The following BAALC variants were observed in gnomAD, a reference collection of about 807,000 sequenced individuals.
The protein encoded by BAALC is brain and acute leukemia cytoplasmic protein.
In BAALC, 9 loss-of-function variants were observed where a neutral mutation model predicts 15.5. The ratio of observed to expected loss-of-function variants is 0.58; its 90% confidence interval spans 0.35 to 1.02. The LOEUF is 1.02. BAALC is among the 50% of genes least tolerant of loss of function. BAALC has a pLI of 0.02. For missense variants in BAALC, 201 were observed against 192.4 expected (o/e 1.04, Z -0.27); for synonymous variants, 80 against 74.6 (o/e 1.07, Z -0.37).
chr8:103,185,233 C>A (rs1295000750), intron 1 of BAALC, among the ~76,000 whole-genome samples: 3 of 152,044 alleles, frequency 2.0e-5, no homozygotes, highest in Non-Finnish European at 4.4e-5. Context: ...TCTGCTCATT[C>A]CTGTCTTATA....
intron 2 of BAALC, among the ~76,000 whole-genome samples, chr8:103,216,638 G>A (rs1216960527): frequency 6.6e-6 from 1 of 152,078 alleles, no homozygotes; most frequent in Non-Finnish European, 1.5e-5. Flanking sequence ...ACCATGCCCA[G>A]CCAATTTGTT....
intron 1 of BAALC, among the ~76,000 whole-genome samples, chr8:103,173,517 A>G (rs1000460): frequency 1.3e-5 from 2 of 151,976 alleles, no homozygotes; most frequent in South Asian, 4.1e-4. Flanking sequence ...CTAATAATAG[A>G]TTTTTTTCAC....
intron 1 of BAALC, among the ~76,000 whole-genome samples, chr8:103,187,567 C>T (rs1811869165): frequency 1.3e-5 from 2 of 152,134 alleles, no homozygotes; most frequent in South Asian, 2.1e-4. Context: ...CTTAGAGTGG[C>T]CCCCAGGTAG....
intron 1 of BAALC, among the ~76,000 whole-genome samples, chr8:103,191,604 A>C (rs1381994542): frequency 6.6e-6 from 1 of 152,158 alleles, no homozygotes; most frequent in African/African-American, 2.4e-5. Flanking sequence ...ACCAAGCAGA[A>C]CTTCTGGTTC....
intron 1 of BAALC, among the ~76,000 whole-genome samples, chr8:103,164,193 T>G (rs1811292010): frequency 6.6e-6 from 1 of 152,068 alleles, no homozygotes; most frequent in African/African-American, 2.4e-5. Flanking sequence ...GGGCCCCCAG[T>G]AGTGCAAAGG....
chr8:103,220,229 C>T (rs1812648010), intron 2 of BAALC, among the ~76,000 whole-genome samples: 1 of 152,180 alleles, frequency 6.6e-6, no homozygotes, highest in Non-Finnish European at 1.5e-5. Flanking sequence ...ACTCATCACC[C>T]ATATTGACAT....
At chr8:103,167,804 T>C (rs941114136) in intron 1 of BAALC, among the ~76,000 whole-genome samples, 1 of 152,128 alleles carries the variant, frequency 6.6e-6, no homozygotes, top group African/African-American at 2.4e-5. Flanking sequence ...TTGGACTTCA[T>C]CCTAACAGCA....
At chr8:103,175,807 C>T (rs1356734300) in intron 1 of BAALC, among the ~76,000 whole-genome samples, 3 of 152,220 alleles carry the variant, frequency 2.0e-5, no homozygotes, top group Non-Finnish European at 4.4e-5. Context: ...AGCAGAGCCA[C>T]ACTGGGGGTA....
rs554910994 is a variant in BAALC at position 103,181,301 on chromosome 8, C to T, written c.161-31618C>T. Among the ~76,000 whole-genome samples, 18 of 152,240 alleles carry T rather than the reference C, an allele frequency of 1.2e-4. No individual in the cohort carries two copies. The East Asian group carries it at 2.3e-3, about 20-fold the overall frequency. On this transcript the variant is annotated intron_variant, in intron 1 of 2. Coordinates refer to ENST00000309982, the MANE Select transcript of BAALC (RefSeq NM_024812.3). The stretch of plus-strand genomic sequence containing the variant: ...TTTGTTGTTGTTTTTGAGACAGAGT[C>T]TCGCTCTGTCGCCCAGGCTGGAGTG...
intron 2 of BAALC, chr8:103,213,327 CTTG>C (rs1279310834): frequency 4.7e-6 from 2 of 426,250 alleles, no homozygotes; most frequent in Non-Finnish European, 8.4e-6. Flanking sequence ...ATTCAAGGAT[CTTG>C]TTTTCTGTGG....
At chr8:103,187,333 G>A (rs1002587993) in intron 1 of BAALC, among the ~76,000 whole-genome samples, 6 of 152,164 alleles carry the variant, frequency 3.9e-5, no homozygotes, top group African/African-American at 7.2e-5. Flanking sequence ...ATACAAGGTG[G>A]GAGTGGGGAT....
intron 1 of BAALC, among the ~76,000 whole-genome samples, chr8:103,198,512 T>C (rs1812144227): frequency 6.6e-6 from 1 of 152,118 alleles, no homozygotes; most frequent in Admixed American, 6.6e-5. Context: ...TTGTTATCAG[T>C]TTGTTGGGCA....
At chr8:103,180,306 T>C (rs16870229) in intron 1 of BAALC, among the ~76,000 whole-genome samples, 15,722 of 152,234 alleles carry the variant, frequency 0.1, 1,135 homozygotes, top group East Asian at 0.35. Flanking sequence ...GTGGTCACTA[T>C]GGTTTCCAGA....
intron 1 of BAALC, among the ~76,000 whole-genome samples, chr8:103,198,761 A>G (rs552375861): frequency 1.3e-5 from 2 of 152,154 alleles, no homozygotes; most frequent in Admixed American, 1.3e-4. Flanking sequence ...AAAAAAAAAA[A>G]ATTGCCAGGT....
At chr8:103,146,472 G>A (rs1239350248) in intron 1 of BAALC, among the ~76,000 whole-genome samples, 1 of 152,206 alleles carries the variant, frequency 6.6e-6, no homozygotes, top group Non-Finnish European at 1.5e-5. Flanking sequence ...CTTCCGTCAA[G>A]GATGACTGTT....
chr8:103,163,768 C>T (rs1029228135), intron 1 of BAALC, among the ~76,000 whole-genome samples: 1 of 152,140 alleles, frequency 6.6e-6, no homozygotes, highest in African/African-American at 2.4e-5. Flanking sequence ...CCTTCCTCCC[C>T]TATTGCTCCA....
intron 1 of BAALC, among the ~76,000 whole-genome samples, chr8:103,164,144 G>T (rs765271295): frequency 6.6e-6 from 1 of 152,178 alleles, no homozygotes; most frequent in African/African-American, 2.4e-5. Flanking sequence ...AAGAGCAGGA[G>T]CTGCTTTGTG....
chr8:103,161,995 C>T (rs753939438), intron 1 of BAALC, among the ~76,000 whole-genome samples: 2 of 151,938 alleles, frequency 1.3e-5, no homozygotes, highest in Non-Finnish European at 2.9e-5. Flanking sequence ...GGGTTTTGCT[C>T]TGTCACCCAG....
intron 1 of BAALC, among the ~76,000 whole-genome samples, chr8:103,142,940 G>A (rs1022547482): frequency 4.4e-4 from 67 of 152,190 alleles, no homozygotes; most frequent in African/African-American, 1.6e-3. Flanking sequence ...CTGAAGGCCT[G>A]CATCCTCCAG....
Sources: gnomAD v4.1 joint callset for allele counts (sites outside exome capture counted in the v4.1 genomes callset) on GRCh38, gnomAD v4.1.1 for gene constraint, MANE v1.5 for transcripts, NCBI Gene and HGNC (gene_info 2026-07-23, HGNC 2026-07-21) for gene names.